Variants in RTTN observed in about 807,000 individuals in gnomAD.
RTTN encodes the protein rotatin.
RTTN carries 182 observed loss-of-function variants against 269.2 expected under a neutral mutation model. The observed-to-expected ratio is 0.68, with a 90% CI of 0.60 to 0.76. RTTN has a LOEUF of 0.76. Among genes scored for constraint, RTTN ranks in the 30% least tolerant of loss-of-function variants. The pLI, the probability that RTTN is intolerant of heterozygous loss-of-function variation, is 0.00. For synonymous variants in RTTN, 1,006 were observed against 963.5 expected, an observed-to-expected ratio of 1.04 and a Z score of -0.82; for missense variants, 2,545 against 2,608.6, an observed-to-expected ratio of 0.98 and a Z score of 0.53.
intron 32 of RTTN, among the ~76,000 whole-genome samples, chr18:70,077,585 T>C (rs1210181662): frequency 1.3e-5 from 2 of 151,966 alleles, no homozygotes; most frequent in Non-Finnish European, 2.9e-5. Context: ...CTTGCAATTA[T>C]TCTCTAAATA....
rs576256541 is a variant in RTTN, at chr18:70,051,832, C to A, written c.5186-284G>T. On this transcript the variant is annotated intron_variant, in intron 38 of 48. Transcript: ENST00000640769. ...AAGAACAATCAGAAGGTGTGACAAA[C>A]TAAATATTAAGCCATGACTGCAGAA... Among the ~76,000 whole-genome samples, 9 of 152,240 alleles carry A rather than the reference C, an allele frequency of 5.9e-5. No homozygotes were observed. The East Asian group carries it at 1.7e-3, about 29-fold the overall frequency.
chr18:70,014,666 C>T (rs779607749), intron 46 of RTTN, among the ~76,000 whole-genome samples: 9 of 152,084 alleles, frequency 5.9e-5, no homozygotes, highest in Non-Finnish European at 1.2e-4. Flanking sequence ...CCCATTCTCA[C>T]ATTTTTTTTT....
At position 70,109,553 on chromosome 18, in the gene RTTN, G is replaced by A. The variant is rs754768375; in HGVS notation, c.3848C>T (p.Ser1283Phe). Residue 1283 changes from serine (S) to phenylalanine (F), a missense_variant, in exon 28 of 49, where the codon TCT becomes TTT. Ser to Phe is a radical substitution (Grantham distance 155). Coordinates refer to ENST00000640769, the MANE Select transcript of RTTN (RefSeq NM_173630.4). Reference sequence around the variant, plus strand: ...GATATCTAGAGGCTTTGTGAGAGGAGAGTGTGAGCTCCATCCCGGAAACGC... The same window carrying A: ...GATATCTAGAGGCTTTGTGAGAGGAAAGTGTGAGCTCCATCCCGGAAACGC... ...LTAFPGWSSH[S>F]PLTKPLDICV... 1.4e-5 allele frequency: 22 copies of A among 1,613,974 alleles called. No homozygotes were observed. The highest frequency in any genetic ancestry group is 1.9e-5 in the Non-Finnish European group (22 of 1,180,020).
intron 36 of RTTN, 100 bp from the exon 37 acceptor site, chr18:70,057,932 A>G: frequency 1.4e-6 from 1 of 712,458 alleles, no homozygotes; most frequent in Non-Finnish European, 2.3e-6. Flanking sequence ...CTCGAATACA[A>G]TTCAAGAGAA....
intron 3 of RTTN, 119 bp from the exon 4 acceptor site, chr18:70,202,102 A>G: frequency 1.7e-6 from 1 of 596,434 alleles, no homozygotes. Flanking sequence ...AAATTAAAAA[A>G]AAGTCCAGTT....
chr18:70,169,745 G>A lies in RTTN; in HGVS notation c.1477-678C>T, dbSNP rs573326550. ...TAGATTTAAAACTGAAAGAATTATGGTTTTTAAAAAAATGGTTCTAGTTTT... is the reference window on the plus strand; with the variant it reads ...TAGATTTAAAACTGAAAGAATTATGATTTTTAAAAAAATGGTTCTAGTTTT... On this transcript the variant is annotated intron_variant, in intron 11 of 48. Coordinates refer to ENST00000640769, the MANE Select transcript of RTTN (RefSeq NM_173630.4). 1.6e-4 allele frequency among the ~76,000 whole-genome samples: 24 copies of A among 152,016 alleles called. 1 individual carries two copies. The highest frequency in any genetic ancestry group is 1.9e-4 in the East Asian group (1 of 5,172).
intron 7 of RTTN, among the ~76,000 whole-genome samples, chr18:70,196,062 GCTGCAACACTTGA>G (rs1039024845): frequency 2.0e-5 from 3 of 152,162 alleles, no homozygotes. Context: ...GTCTCACATT[GCTGCAACACTTGA>G]CTACATTGCA....
At chr18:70,097,363 A>G (rs1026371025) in intron 28 of RTTN, among the ~76,000 whole-genome samples, 1 of 152,232 alleles carries the variant, frequency 6.6e-6, no homozygotes, top group Non-Finnish European at 1.5e-5. Flanking sequence ...CTTTGTTTCA[A>G]TGTTCTCTCA....
chr18:70,147,156 T>C (rs1434660187), intron 17 of RTTN, among the ~76,000 whole-genome samples: 7 of 152,216 alleles, frequency 4.6e-5, no homozygotes, highest in Admixed American at 6.5e-5. Context: ...CAGAATCCAG[T>C]TATTCCTATA....
chr18:70,203,955 G>A, intron 3 of RTTN, 131 bp downstream of exon 3: 1 of 702,192 alleles, frequency 1.4e-6, no homozygotes, highest in East Asian at 2.8e-5. Context: ...TCAAAATCAT[G>A]TAAGTTAACA....
At chr18:70,200,105 G>A (rs997131138) in intron 4 of RTTN, among the ~76,000 whole-genome samples, 2 of 152,220 alleles carry the variant, frequency 1.3e-5, no homozygotes, top group Non-Finnish European at 2.9e-5. Flanking sequence ...TACAAGTTAA[G>A]GTGGCAACAC....
At chr18:70,045,688 G>C (rs2057470825) in intron 40 of RTTN, among the ~76,000 whole-genome samples, 2 of 152,168 alleles carry the variant, frequency 1.3e-5, no homozygotes, top group South Asian at 4.1e-4. Context: ...TGTGCCAGGA[G>C]TATACTTCCT....
Position 70,011,480 on chromosome 18 carries a change from G to A in RTTN, c.6422-4996C>T, listed in dbSNP as rs568396879. ...AATCTATCACATAAACAGAGCCAAC[G>A]ACAAAAACCACATGATTATCTCAAC... On this transcript the variant is annotated intron_variant, in intron 46 of 48. Transcript: ENST00000640769. Among the ~76,000 whole-genome samples, 6 of 152,176 alleles carry A rather than the reference G, an allele frequency of 3.9e-5. No individual in the cohort carries two copies. In the South Asian group the frequency reaches 6.2e-4, roughly 16 times the overall value.
chr18:70,020,363 T>A (rs899887690), intron 45 of RTTN, among the ~76,000 whole-genome samples: 1 of 152,166 alleles, frequency 6.6e-6, no homozygotes, highest in Non-Finnish European at 1.5e-5. Flanking sequence ...TTGAGAATGA[T>A]AAAATACAAT....
At chr18:70,078,265 G>C (rs151189339) in intron 32 of RTTN, among the ~76,000 whole-genome samples, 3 of 151,900 alleles carry the variant, frequency 2.0e-5, no homozygotes, top group African/African-American at 7.2e-5. Context: ...ATTCTTGGGA[G>C]GAACAATCTT....
chr18:70,048,485 A>G (rs2057556995), intron 39 of RTTN, among the ~76,000 whole-genome samples: 1 of 152,252 alleles, frequency 6.6e-6, no homozygotes, highest in African/African-American at 2.4e-5. Flanking sequence ...AACTGAAAGG[A>G]ATTTACACTG....
Position 70,190,711 on chromosome 18 carries a change from C to T in RTTN, c.1016G>A (p.Ser339Asn). ...DWDAASSSGS[S>N]SHAHVNSRIS... The stretch of plus-strand genomic sequence containing the variant: ...CCTGGAGTTTACATGAGCATGACTA[C>T]TACTTCCACTGCAAGATAAACAAAT... Residue 339 changes from serine to asparagine, a missense_variant, in exon 9 of 49, where the codon AGT becomes AAT. By Grantham distance (46) the Ser-to-Asn change is conservative. Coordinates refer to ENST00000640769, the MANE Select transcript of RTTN (RefSeq NM_173630.4). 1 of 1,598,764 alleles carries T rather than the reference C, an allele frequency of 6.3e-7. No homozygotes were observed. Among genetic ancestry groups the T allele is most frequent in the South Asian group, 1.1e-5 (1 of 90,230 alleles).
At position 70,107,153 on chromosome 18, in the gene RTTN, G is replaced by A. The variant is rs75184065; in HGVS notation, c.3903+2345C>T. Among the ~76,000 whole-genome samples, 731 of 152,338 alleles carry A rather than the reference G, an allele frequency of 4.8e-3. 4 individuals carry two copies. Among genetic ancestry groups the A allele is most frequent in the African/African-American group, 0.017 (692 of 41,572 alleles). The stretch of plus-strand genomic sequence containing the variant: ...ACTCTGTTGCGGAGAAGCCCATGCC[G>A]TGCTGCAGTAAAGCAGTTTTATAAG... On this transcript the variant is annotated intron_variant, in intron 28 of 48. Transcript: ENST00000640769.
At chr18:70,043,689 A>G (rs1379752237) in intron 40 of RTTN, among the ~76,000 whole-genome samples, 1 of 152,264 alleles carries the variant, frequency 6.6e-6, no homozygotes, top group Non-Finnish European at 1.5e-5. Flanking sequence ...TGTACATGGT[A>G]AAACTGAAAT....
Sources: gnomAD v4.1 joint callset for allele counts (sites outside exome capture counted in the v4.1 genomes callset) on GRCh38, gnomAD v4.1.1 for gene constraint, MANE v1.5 for transcripts, NCBI Gene and HGNC (gene_info 2026-07-23, HGNC 2026-07-21) for gene names.